ASH1L: variants seen among roughly 807,000 people sequenced by gnomAD.
ASH1L encodes the protein histone-lysine N-methyltransferase ASH1L.
ASH1L carries 23 observed loss-of-function variants against 269.0 expected under a neutral mutation model. The observed-to-expected ratio is 0.09, with a 90% CI of 0.06 to 0.12. ASH1L has a LOEUF of 0.12. Among genes scored for constraint, ASH1L ranks in the 10% least tolerant of loss-of-function variants. The probability of loss-of-function intolerance (pLI) is 1.00; values close to 1 mark genes in which losing one functional copy is unlikely to be tolerated. For synonymous variants in ASH1L, 1,187 were observed against 1,253.5 expected (o/e 0.95, Z 1.12); for missense variants, 2,912 against 3,567.8 (o/e 0.82, Z 4.68).
chr1:155,343,510 G>C lies in ASH1L; in HGVS notation c.8121-24C>G. 6.2e-7 allele frequency: 1 copy of C among 1,613,106 alleles called. No individual in the cohort carries two copies. The highest frequency in any genetic ancestry group is 8.5e-7 in the Non-Finnish European group (1 of 1,179,340). Reference sequence around the variant, plus strand: ...CTCTAAAACAATGGAAAAGTGAGAAGGGAGAGGTTTAGCTGATTAGCAAGA... The same window carrying C: ...CTCTAAAACAATGGAAAAGTGAGAACGGAGAGGTTTAGCTGATTAGCAAGA... On this transcript the variant is annotated intron_variant, in intron 23 of 27. Coordinates refer to ENST00000392403, the MANE Select transcript of ASH1L (RefSeq NM_018489.3). The surrounding 1 kb of genome is among the most constrained non-coding windows in gnomAD (Gnocchi z 6.1).
intron 10 of ASH1L, among the ~76,000 whole-genome samples, chr1:155,376,137 C>T (rs1656418728): frequency 6.6e-6 from 1 of 152,042 alleles, no homozygotes; most frequent in Non-Finnish European, 1.5e-5. Flanking sequence ...TTGTGGACCA[C>T]ACTGTTTAAT....
intron 5 of ASH1L, among the ~76,000 whole-genome samples, chr1:155,423,920 T>C (rs761348466): frequency 6.6e-6 from 1 of 152,112 alleles, no homozygotes; most frequent in Non-Finnish European, 1.5e-5. Flanking sequence ...AGAGACAGGG[T>C]TTCACCATGT....
At chr1:155,382,182 C>G (rs1421694720) in intron 7 of ASH1L, among the ~76,000 whole-genome samples, 2 of 148,778 alleles carry the variant, frequency 1.3e-5, no homozygotes, top group Non-Finnish European at 3.0e-5. Context: ...CTCCAGCAGG[C>G]AACGACACAG....
chr1:155,469,207 G>A (rs890401874), intron 3 of ASH1L, among the ~76,000 whole-genome samples: 5 of 149,646 alleles, frequency 3.3e-5, no homozygotes, highest in East Asian at 1.9e-4. Flanking sequence ...TTTTTGAGAC[G>A]GAGTTTCTCT....
At chr1:155,554,132 TGGA>T (rs1671415659) in intron 1 of ASH1L, among the ~76,000 whole-genome samples, 2 of 151,458 alleles carry the variant, frequency 1.3e-5, no homozygotes, top group South Asian at 4.2e-4. Flanking sequence ...TCACACAGGC[TGGA>T]GTAGAGTGGT....
At chr1:155,404,535 G>C (rs567234983) in intron 6 of ASH1L, among the ~76,000 whole-genome samples, 70 of 152,188 alleles carry the variant, frequency 4.6e-4, no homozygotes, top group African/African-American at 1.6e-3. Flanking sequence ...AAATTAGCTA[G>C]ATGTGGTGAC....
At chr1:155,547,955 G>A (rs1205634968) in intron 1 of ASH1L, among the ~76,000 whole-genome samples, 4 of 152,052 alleles carry the variant, frequency 2.6e-5, no homozygotes, top group Admixed American at 6.6e-5. Flanking sequence ...CAGCCTGGGC[G>A]ACAGAGCGAG....
At chr1:155,409,783 T>G (rs1659613747) in intron 6 of ASH1L, among the ~76,000 whole-genome samples, 1 of 152,140 alleles carries the variant, frequency 6.6e-6, no homozygotes, top group Non-Finnish European at 1.5e-5. Flanking sequence ...AAGATTTTTT[T>G]AAACCTAAAT....
chr1:155,528,481 C>T (rs1234305705), intron 1 of ASH1L, among the ~76,000 whole-genome samples: 1 of 151,490 alleles, frequency 6.6e-6, no homozygotes, highest in Non-Finnish European at 1.5e-5. Context: ...GAATTGCTCA[C>T]ATGATTATGG....
intron 4 of ASH1L, among the ~76,000 whole-genome samples, chr1:155,452,627 G>A (rs1377112892): frequency 6.7e-6 from 1 of 150,072 alleles, no homozygotes; most frequent in African/African-American, 2.5e-5. Context: ...TGTAATCTTG[G>A]GTTTACAACC....
At chr1:155,345,563 A>G (rs948441627) in intron 21 of ASH1L, among the ~76,000 whole-genome samples, 2 of 137,308 alleles carry the variant, frequency 1.5e-5, no homozygotes, top group Admixed American at 7.6e-5. Context: ...GTGAGCCACC[A>G]TGCCCAGCTT....
chr1:155,513,134 T>C (rs1439347155), intron 2 of ASH1L, among the ~76,000 whole-genome samples: 1 of 152,134 alleles, frequency 6.6e-6, no homozygotes, highest in Non-Finnish European at 1.5e-5. Flanking sequence ...AGGATGGCTA[T>C]AATTTTTTAA....
chr1:155,371,315 A>C (rs1336926089), intron 10 of ASH1L, among the ~76,000 whole-genome samples: 1 of 152,124 alleles, frequency 6.6e-6, no homozygotes, highest in Non-Finnish European at 1.5e-5. Flanking sequence ...TGGGAGGCTG[A>C]GGTGGGTGGA....
intron 24 of ASH1L, among the ~76,000 whole-genome samples, chr1:155,342,481 G>T (rs1473403113): frequency 6.6e-6 from 1 of 152,184 alleles, no homozygotes; most frequent in East Asian, 1.9e-4. Context: ...ACTGAGACAA[G>T]GAGGACTCAT....
At chr1:155,356,578 T>C (rs1292776722) in intron 15 of ASH1L, among the ~76,000 whole-genome samples, 2 of 146,996 alleles carry the variant, frequency 1.4e-5, no homozygotes, top group Non-Finnish European at 3.0e-5. Flanking sequence ...GAGCTTGCAG[T>C]GAGCCGAGAT....
At chr1:155,499,730 G>A (rs1232231917) in intron 2 of ASH1L, among the ~76,000 whole-genome samples, 1 of 152,148 alleles carries the variant, frequency 6.6e-6, no homozygotes, top group South Asian at 2.1e-4. Context: ...TCAAAGATAT[G>A]AGCAGACAAC....
rs200039089 is a variant in ASH1L at position 155,386,069 on chromosome 1, AT to A, written c.6104-5954del. Among the ~76,000 whole-genome samples, 377 of 139,472 alleles carry A rather than the reference AT, an allele frequency of 2.7e-3. 1 individual carries two copies. Among genetic ancestry groups the A allele is most frequent in the Non-Finnish European group, 2.8e-3 (177 of 63,592 alleles). 91.5% of individuals were successfully genotyped at this position (139,472 alleles called of 152,430 possible). ...AAGTGTCTGTTCATGTCCCTTGCCC[AT>A]TTTTTTTTTTTTTGGAGATGGAGTC... On this transcript the variant is annotated intron_variant, in intron 7 of 27. Transcript: ENST00000392403.
intron 5 of ASH1L, among the ~76,000 whole-genome samples, chr1:155,418,014 A>G (rs1005543641): frequency 7.2e-5 from 11 of 152,102 alleles, no homozygotes; most frequent in African/African-American, 2.4e-4. Flanking sequence ...GAGAATCCAA[A>G]CTGATCCATA....
rs1672116147 is a variant in ASH1L, at chr1:155,562,732, C to T, written c.-679G>A. On this transcript the variant is annotated 5_prime_UTR_variant, in exon 1 of 28. Coordinates refer to ENST00000392403, the MANE Select transcript of ASH1L (RefSeq NM_018489.3). ...ACCCCCTCGTCCAGTCCCTCACTAC[C>T]CCTCAGGCCCTGTCAAGCCGGCGCC... The T allele has an allele frequency of 2.2e-6, 3 of 1,338,010 alleles. No individual in the cohort carries two copies. The highest frequency in any genetic ancestry group is 2.6e-5 in the East Asian group (1 of 39,060). 82.9% of individuals were successfully genotyped at this position (1,338,010 alleles called of 1,614,324 possible).
Sources: gnomAD v4.1 joint callset for allele counts (sites outside exome capture counted in the v4.1 genomes callset) on GRCh38, gnomAD v4.1.1 for gene constraint, Gnocchi (gnomAD v3.1) non-coding constraint, MANE v1.5 for transcripts, NCBI Gene and HGNC (gene_info 2026-07-23, HGNC 2026-07-21) for gene names.